CHRM5: variants seen among roughly 807,000 people sequenced by gnomAD.
CHRM5 encodes the protein muscarinic acetylcholine receptor M5.
Under a neutral mutation model 39.0 loss-of-function variants are expected in CHRM5, and 18 were observed. The ratio of observed to expected loss-of-function variants is 0.46; its 90% CI spans 0.32 to 0.68. The LOEUF (loss-of-function observed/expected upper bound fraction) is 0.68. Ranked by LOEUF, CHRM5 falls within the 30% of genes least tolerant of loss-of-function variation. CHRM5 has a pLI of 0.04. For synonymous variants in CHRM5, 241 were observed against 246.3 expected, an observed-to-expected ratio of 0.98 and a Z score of 0.20; for missense variants, 515 against 651.1, an observed-to-expected ratio of 0.79 and a Z score of 2.28.
At chr15:34,053,319 A>AAATATATATATATATAT (rs775436850) in intron 2 of CHRM5, among the ~76,000 whole-genome samples, 2 of 42,104 alleles carry the variant, frequency 4.8e-5, no homozygotes, top group African/African-American at 1.6e-4. Flanking sequence ...AAAAAAAAAA[A>AAATATATATATATATAT]ATATATATAT....
intron 1 of CHRM5, among the ~76,000 whole-genome samples, chr15:33,973,712 CTATT>C (rs1895739395): frequency 6.6e-6 from 1 of 152,120 alleles, no homozygotes; most frequent in African/African-American, 2.4e-5. Flanking sequence ...ATAAGAAAAT[CTATT>C]TATATAGTTG....
Position 33,992,215 on chromosome 15 carries a change from G to A in CHRM5, c.-408+23065G>A, listed in dbSNP as rs372745787. 2.2e-4 allele frequency among the ~76,000 whole-genome samples: 34 copies of A among 152,252 alleles called. No individual in the cohort carries two copies. In the East Asian group the frequency reaches 2.7e-3, roughly 12 times the overall value. ...ATCCTGGCTAACAAGGTGAAACCCC[G>A]TCTCTACTAAAAAAATACAAAACAG... On this transcript the variant is annotated intron_variant, in intron 1 of 2. Coordinates refer to ENST00000383263, the MANE Select transcript of CHRM5 (RefSeq NM_012125.4).
At chr15:34,024,769 G>A (rs2140731953) in intron 1 of CHRM5, among the ~76,000 whole-genome samples, 1 of 151,652 alleles carries the variant, frequency 6.6e-6, no homozygotes, top group Admixed American at 6.6e-5. Context: ...GCTGAGGCAG[G>A]AGAATAGCTT....
Position 34,013,173 on chromosome 15 carries a change from T to C in CHRM5, c.-407-33367T>C, listed in dbSNP as rs561128609. On this transcript the variant is annotated intron_variant, in intron 1 of 2. Coordinates refer to ENST00000383263, the MANE Select transcript of CHRM5 (RefSeq NM_012125.4). ...GCCTCCTGGGTTCAAGCGATTCTCATGTCTCAGCCTCCTGAGTAGCTGGGA... is the reference window on the plus strand; with the variant it reads ...GCCTCCTGGGTTCAAGCGATTCTCACGTCTCAGCCTCCTGAGTAGCTGGGA... Among the ~76,000 whole-genome samples the C allele has an allele frequency of 9.9e-5, 15 of 152,186 alleles. No individual in the cohort carries two copies. The East Asian group carries it at 1.6e-3, about 16-fold the overall frequency.
chr15:33,970,282 G>A (rs982560012), intron 1 of CHRM5, among the ~76,000 whole-genome samples: 1 of 151,644 alleles, frequency 6.6e-6, no homozygotes. Flanking sequence ...ATCCCTTCAG[G>A]CTTTTCAAGA....
intron 1 of CHRM5, among the ~76,000 whole-genome samples, chr15:33,978,237 T>C (rs927143037): frequency 4.6e-5 from 7 of 152,196 alleles, no homozygotes; most frequent in Non-Finnish European, 8.8e-5. Flanking sequence ...TTACTAATAT[T>C]TCCTGAGCAT....
chr15:34,006,725 A>G (rs1014484453), intron 1 of CHRM5, among the ~76,000 whole-genome samples: 1 of 152,178 alleles, frequency 6.6e-6, no homozygotes, highest in Admixed American at 6.5e-5. Context: ...GGATCTCATT[A>G]CCCCTACACA....
chr15:33,985,735 A>G (rs2075249789), intron 1 of CHRM5, among the ~76,000 whole-genome samples: 1 of 152,140 alleles, frequency 6.6e-6, no homozygotes, highest in Admixed American at 6.5e-5. Flanking sequence ...TAAGCTAGAA[A>G]TCTTGAGTTT....
chr15:34,044,423 A>G (rs951872494), intron 1 of CHRM5, among the ~76,000 whole-genome samples: 2 of 152,214 alleles, frequency 1.3e-5, no homozygotes, highest in Non-Finnish European at 2.9e-5. Flanking sequence ...TTCCAGAACA[A>G]TACACTACCC....
chr15:34,000,231 C>A (rs1246210259), intron 1 of CHRM5, among the ~76,000 whole-genome samples: 1 of 152,204 alleles, frequency 6.6e-6, no homozygotes, highest in East Asian at 1.9e-4. Flanking sequence ...TAGCATTTAA[C>A]ATTTTATATA....
At chr15:34,035,482 G>C (rs917649761) in intron 1 of CHRM5, among the ~76,000 whole-genome samples, 1 of 152,076 alleles carries the variant, frequency 6.6e-6, no homozygotes, top group East Asian at 1.9e-4. Flanking sequence ...AGCAGCAGTC[G>C]AAAGAACAGG....
At chr15:34,034,367 G>T (rs1375305605) in intron 1 of CHRM5, among the ~76,000 whole-genome samples, 1 of 151,088 alleles carries the variant, frequency 6.6e-6, no homozygotes, top group African/African-American at 2.4e-5. Context: ...CTTGAGTACA[G>T]CAGTTGAAGG....
chr15:34,039,743 G>A (rs1899387159), intron 1 of CHRM5, among the ~76,000 whole-genome samples: 1 of 152,144 alleles, frequency 6.6e-6, no homozygotes, highest in African/African-American at 2.4e-5. Flanking sequence ...GACATTTATT[G>A]AGCACATGAG....
intron 2 of CHRM5, among the ~76,000 whole-genome samples, chr15:34,049,050 G>T (rs1899832801): frequency 6.6e-6 from 1 of 152,162 alleles, no homozygotes; most frequent in Admixed American, 6.5e-5. Flanking sequence ...CCTATTTCAA[G>T]GTCAGCAACC....
chr15:33,988,529 G>A (rs1896580057), intron 1 of CHRM5, among the ~76,000 whole-genome samples: 1 of 152,162 alleles, frequency 6.6e-6, no homozygotes, highest in Non-Finnish European at 1.5e-5. Flanking sequence ...CAACTGGTAG[G>A]TTTCAGGAAA....
At chr15:33,983,697 G>A (rs1597310096) in intron 1 of CHRM5, among the ~76,000 whole-genome samples, 4 of 152,218 alleles carry the variant, frequency 2.6e-5, no homozygotes, top group Admixed American at 6.5e-5. Context: ...GTGTGAGCAG[G>A]ACTTAGTGAC....
At chr15:33,973,181 C>A (rs561770842) in intron 1 of CHRM5, among the ~76,000 whole-genome samples, 2 of 152,310 alleles carry the variant, frequency 1.3e-5, no homozygotes, top group Admixed American at 1.3e-4. Flanking sequence ...CATCAGACTA[C>A]GTGGGCCTTC....
chr15:34,015,390 G>A (rs1419099773), intron 1 of CHRM5, among the ~76,000 whole-genome samples: 3 of 152,054 alleles, frequency 2.0e-5, no homozygotes, highest in Non-Finnish European at 2.9e-5. Context: ...GCTGAGGCAG[G>A]AGAATAGCGT....
At position 34,062,407 on chromosome 15, in the gene CHRM5, T is replaced by C. The variant is rs182709720; in HGVS notation, c.-75-236T>C. ...CGTCTCTACTAAAAATACAAAAAAA[T>C]AGCTGGGCGTGGTGGTGGGAGCCTG... is the stretch of plus-strand genomic sequence containing the variant. On this transcript the variant is annotated intron_variant, in intron 2 of 2. Coordinates refer to ENST00000383263, the MANE Select transcript of CHRM5 (RefSeq NM_012125.4). Among the ~76,000 whole-genome samples the C allele has an allele frequency of 2.0e-5, 3 of 151,770 alleles. No individual in the cohort carries two copies. In the East Asian group the frequency reaches 5.8e-4, roughly 29 times the overall value.
Sources: allele counts gnomAD v4.1 joint callset (sites outside exome capture counted in the v4.1 genomes callset), GRCh38; gene constraint gnomAD v4.1.1; transcripts MANE v1.5; gene names NCBI Gene and HGNC (gene_info 2026-07-23, HGNC 2026-07-21).